MACROD2: variants seen among roughly 807,000 people sequenced by gnomAD.
MACROD2 encodes the protein mono-ADP ribosylhydrolase 2.
In MACROD2, 36 loss-of-function variants were observed where a neutral mutation model predicts 70.4. That is an observed-to-expected ratio of 0.51 (90% CI 0.39 to 0.68). The LOEUF (loss-of-function observed/expected upper bound fraction) is 0.68. MACROD2 is among the 30% of genes least tolerant of loss of function. The pLI, the probability that MACROD2 is intolerant of heterozygous loss-of-function variation, is 0.00. For synonymous variants in MACROD2, 172 were observed against 178.8 expected, an observed-to-expected ratio of 0.96 and a Z score of 0.30; for missense variants, 496 against 538.4, an observed-to-expected ratio of 0.92 and a Z score of 0.78.
intron 5 of MACROD2, among the ~76,000 whole-genome samples, chr20:15,072,953 C>T (rs2075630075): frequency 1.3e-5 from 2 of 152,068 alleles, no homozygotes; most frequent in Admixed American, 1.3e-4. Context: ...ATGTCCTTAT[C>T]TTATAAGTGG....
At chr20:14,213,471 G>T (rs907251307) in intron 3 of MACROD2, among the ~76,000 whole-genome samples, 2 of 145,066 alleles carry the variant, frequency 1.4e-5, no homozygotes, top group African/African-American at 5.1e-5. Flanking sequence ...ACAAGATTGA[G>T]AATTTACACA....
chr20:14,650,998 C>T (rs1375736884), intron 4 of MACROD2, among the ~76,000 whole-genome samples: 2 of 152,072 alleles, frequency 1.3e-5, no homozygotes, highest in East Asian at 3.9e-4. Flanking sequence ...GAGTATAGAA[C>T]AAAAGAGAGA....
intron 3 of MACROD2, among the ~76,000 whole-genome samples, chr20:14,108,220 C>T (rs372227152): frequency 4.6e-4 from 70 of 151,394 alleles, no homozygotes; most frequent in African/African-American, 9.9e-4. Context: ...AATGTTTGCA[C>T]GCCTCACGGT....
intron 5 of MACROD2, among the ~76,000 whole-genome samples, chr20:14,772,466 G>A (rs2072181547): frequency 6.6e-6 from 1 of 152,012 alleles, no homozygotes; most frequent in Admixed American, 6.6e-5. Context: ...CACATGTTAT[G>A]TGGATGGCAG....
chr20:14,284,734 AT>A (rs1404753784), intron 3 of MACROD2, among the ~76,000 whole-genome samples: 1 of 152,202 alleles, frequency 6.6e-6, no homozygotes, highest in Non-Finnish European at 1.5e-5. Context: ...CATTTCTTAA[AT>A]TCTATGAGTG....
At chr20:14,816,165 T>C (rs1027777983) in intron 5 of MACROD2, among the ~76,000 whole-genome samples, 3 of 151,988 alleles carry the variant, frequency 2.0e-5, no homozygotes, top group Non-Finnish European at 4.4e-5. Context: ...TACGGAAAGA[T>C]AAGATGGTAG....
intron 6 of MACROD2, among the ~76,000 whole-genome samples, chr20:15,244,263 G>A (rs372194524): frequency 1.3e-5 from 2 of 152,100 alleles, no homozygotes; most frequent in Admixed American, 6.5e-5. Flanking sequence ...AAAAATCAGG[G>A]CTTGATGTAC....
At chr20:14,836,708 G>T (rs2073033777) in intron 5 of MACROD2, among the ~76,000 whole-genome samples, 1 of 152,044 alleles carries the variant, frequency 6.6e-6, no homozygotes, top group South Asian at 2.1e-4. Flanking sequence ...TAATTTATGG[G>T]TAAGAGGTCC....
chr20:16,043,860 T>G (rs1387305490), intron 16 of MACROD2, among the ~76,000 whole-genome samples: 1 of 152,108 alleles, frequency 6.6e-6, no homozygotes, highest in African/African-American at 2.4e-5. Context: ...CTCTCTTTAT[T>G]TTCTTAGATA....
At position 14,352,781 on chromosome 20, in the gene MACROD2, A is replaced by AT. The variant is rs200995382; in HGVS notation, c.272-140687dup. Among the ~76,000 whole-genome samples, 107 of 144,182 alleles carry AT rather than the reference A, an allele frequency of 7.4e-4. No homozygotes were observed. In the East Asian group the frequency reaches 0.013, roughly 18 times the overall value. The allele number at this position is 144,182 out of a possible 152,430, so 94.6% of individuals were successfully genotyped here. A position where few individuals can be genotyped will look rare whatever the true frequency, so the allele number is the denominator to read the frequency against. ...TGGCTAAACTTTTTCTATGTGATCC[A>AT]TTTTTTTTTTTAGTAGATAAACATG... On this transcript the variant is annotated intron_variant, in intron 3 of 17. Coordinates refer to ENST00000684519, the MANE Select transcript of MACROD2 (RefSeq NM_001351661.2).
chr20:15,477,737 A>G (rs1037955991), intron 7 of MACROD2, among the ~76,000 whole-genome samples: 9 of 152,192 alleles, frequency 5.9e-5, no homozygotes, highest in Non-Finnish European at 1.2e-4. Flanking sequence ...GTTTCCTTGC[A>G]TGGCAAAAGA....
intron 5 of MACROD2, among the ~76,000 whole-genome samples, chr20:15,086,490 A>C (rs1453057524): frequency 4.6e-5 from 7 of 152,140 alleles, no homozygotes; most frequent in African/African-American, 1.4e-4. Flanking sequence ...CCTGTTGAAA[A>C]CCACAGTTCT....
chr20:14,857,067 T>C (rs1401051210), intron 5 of MACROD2, among the ~76,000 whole-genome samples: 3 of 152,110 alleles, frequency 2.0e-5, no homozygotes, highest in African/African-American at 7.2e-5. Flanking sequence ...TTCCAAAGGG[T>C]ATTCTCCAAA....
intron 8 of MACROD2, among the ~76,000 whole-genome samples, chr20:15,567,954 G>C (rs1368962972): frequency 6.6e-6 from 1 of 152,182 alleles, no homozygotes; most frequent in Admixed American, 6.5e-5. Context: ...TTCAAATTAA[G>C]AAAGACTGTA....
chr20:14,635,254 G>A (rs768593458), intron 4 of MACROD2, among the ~76,000 whole-genome samples: 12 of 152,140 alleles, frequency 7.9e-5, no homozygotes, highest in Non-Finnish European at 1.6e-4. Flanking sequence ...CTATCCTGTG[G>A]CTATTTCAAT....
At chr20:14,623,316 T>C (rs1177905597) in intron 4 of MACROD2, among the ~76,000 whole-genome samples, 1 of 152,048 alleles carries the variant, frequency 6.6e-6, no homozygotes, top group African/African-American at 2.4e-5. Context: ...CTCCAGGAAT[T>C]GGGAGCATAT....
At chr20:14,178,660 A>G (rs2081283190) in intron 3 of MACROD2, among the ~76,000 whole-genome samples, 1 of 151,070 alleles carries the variant, frequency 6.6e-6, no homozygotes, top group Non-Finnish European at 1.5e-5. Flanking sequence ...TACGGCTTTG[A>G]CTCTTAGAAT....
chr20:15,101,311 T>C (rs1284725115), intron 5 of MACROD2, among the ~76,000 whole-genome samples: 1 of 152,020 alleles, frequency 6.6e-6, no homozygotes, highest in East Asian at 1.9e-4. Context: ...ATTGAAATGA[T>C]TCAATTTCCT....
At chr20:15,079,202 AT>A (rs11477233) in intron 5 of MACROD2, among the ~76,000 whole-genome samples, 110,742 of 151,868 alleles carry the variant, frequency 0.73, 40,734 homozygotes, top group East Asian at 0.78. Context: ...TAGAGTTAAC[AT>A]TTTTTCTCCT....
Sources: gnomAD v4.1 joint callset for allele counts (sites outside exome capture counted in the v4.1 genomes callset) on GRCh38, gnomAD v4.1.1 for gene constraint, MANE v1.5 for transcripts, NCBI Gene and HGNC (gene_info 2026-07-23, HGNC 2026-07-21) for gene names.